MAF: variants seen among roughly 807,000 people sequenced by gnomAD.
MAF encodes the protein MAF bZIP transcription factor, also known as transcription factor Maf.
A neutral mutation model predicts 22.0 loss-of-function variants in MAF; 10 were observed. The observed-to-expected ratio is 0.45, with a 90% CI of 0.28 to 0.77. The LOEUF (loss-of-function observed/expected upper bound fraction) is 0.77. Ranked by LOEUF, MAF falls within the 30% of genes least tolerant of loss-of-function variation. The pLI is 0.12. For synonymous variants in MAF, 337 were observed against 255.8 expected, an observed-to-expected ratio of 1.32 and a Z score of -3.03; for missense variants, 544 against 548.4, an observed-to-expected ratio of 0.99 and a Z score of 0.08.
At chr16:79,216,086 A>T in the MAF span, among the ~76,000 whole-genome samples, 1 of 152,150 alleles carries the variant, frequency 6.6e-6, no homozygotes, top group Non-Finnish European at 1.5e-5. Context: ...AGCTTATTCT[A>T]TGGCCAACCC....
chr16:79,412,287 G>A, the MAF span, among the ~76,000 whole-genome samples: 1 of 152,148 alleles, frequency 6.6e-6, no homozygotes, highest in Non-Finnish European at 1.5e-5. Flanking sequence ...ACACCCTAGA[G>A]GGTATGATTA....
At chr16:79,595,749 G>C in intron 1 of MAF, 1 of 1,056,880 alleles carries the variant, frequency 9.5e-7, no homozygotes, top group Non-Finnish European at 1.1e-6. Context: ...TATTTCTGGG[G>C]ATAGCATGAT....
chr16:79,377,285 C>T, the MAF span, among the ~76,000 whole-genome samples: 3 of 152,270 alleles, frequency 2.0e-5, no homozygotes, highest in South Asian at 6.2e-4. Flanking sequence ...TGATGATGAT[C>T]AGCATTTTTT....
the MAF span, among the ~76,000 whole-genome samples, chr16:79,350,016 C>G: frequency 6.6e-6 from 1 of 152,220 alleles, no homozygotes; most frequent in Admixed American, 6.5e-5. Context: ...GTCACCTCCT[C>G]CAGGAAGCTC....
the MAF span, among the ~76,000 whole-genome samples, chr16:79,282,038 C>T: frequency 1.3e-5 from 2 of 152,124 alleles, no homozygotes; most frequent in Non-Finnish European, 2.9e-5. Context: ...TGCAGTGGCT[C>T]ATGCCTGTAA....
At chr16:79,565,038 A>G in the MAF span, among the ~76,000 whole-genome samples, 5 of 152,260 alleles carry the variant, frequency 3.3e-5, no homozygotes, top group East Asian at 3.9e-4. Context: ...GGGCCCTGAC[A>G]TCATTCAGCT....
the MAF span, among the ~76,000 whole-genome samples, chr16:79,572,415 A>C: frequency 6.6e-6 from 1 of 152,148 alleles, no homozygotes; most frequent in Non-Finnish European, 1.5e-5. Context: ...ATACAGAAAA[A>C]TCCTAGAACA....
At chr16:79,528,802 C>T in the MAF span, among the ~76,000 whole-genome samples, 1 of 152,152 alleles carries the variant, frequency 6.6e-6, no homozygotes, top group African/African-American at 2.4e-5. Context: ...TCTTTGGCTT[C>T]TTTATTTACA....
the MAF span, among the ~76,000 whole-genome samples, chr16:79,266,912 A>G: frequency 6.6e-6 from 1 of 152,188 alleles, no homozygotes; most frequent in African/African-American, 2.4e-5. Context: ...AATGACATGT[A>G]TCTTTCCTTT....
At chr16:79,223,767 G>A in the MAF span, among the ~76,000 whole-genome samples, 7 of 152,100 alleles carry the variant, frequency 4.6e-5, no homozygotes, top group African/African-American at 1.7e-4. Context: ...TAGAAGAAAT[G>A]GATAAATTCC....
the MAF span, among the ~76,000 whole-genome samples, chr16:79,221,495 C>G: frequency 2.4e-4 from 37 of 152,298 alleles, no homozygotes; most frequent in African/African-American, 7.2e-4. Context: ...ATCTATATCT[C>G]ATGTTCAATC....
the MAF span, among the ~76,000 whole-genome samples, chr16:79,522,027 A>G: frequency 6.6e-6 from 1 of 152,176 alleles, no homozygotes; most frequent in Non-Finnish European, 1.5e-5. Context: ...CACTGTGAAG[A>G]AAGAGGTGTC....
the MAF span, among the ~76,000 whole-genome samples, chr16:79,209,012 C>T: frequency 0.17 from 25,909 of 152,082 alleles, 2,403 homozygotes; most frequent in East Asian, 0.3. Context: ...TAGAGAAGGT[C>T]GTCTTTGCTT....
the MAF span, chr16:79,203,449 T>G: frequency 4.6e-5 from 7 of 152,012 alleles, no homozygotes; most frequent in South Asian, 8.3e-4. Flanking sequence ...AAGGCAGAGT[T>G]AAGAGTTAAT....
chr16:79,285,241 T>C, the MAF span, among the ~76,000 whole-genome samples: 1 of 152,098 alleles, frequency 6.6e-6, no homozygotes, highest in East Asian at 1.9e-4. Context: ...GGAAAAAATA[T>C]CTATTAAAAA....
the MAF span, among the ~76,000 whole-genome samples, chr16:79,367,971 G>C: frequency 4.3e-4 from 66 of 152,284 alleles, no homozygotes; most frequent in African/African-American, 1.6e-3. Context: ...GACCAATCTG[G>C]GATGCTCTAC....
chr16:79,207,907 A>G, the MAF span, among the ~76,000 whole-genome samples: 1 of 152,208 alleles, frequency 6.6e-6, no homozygotes, highest in Non-Finnish European at 1.5e-5. Context: ...GCAGTTATCA[A>G]ATGAATGTTG....
At chr16:79,243,786 T>A in the MAF span, among the ~76,000 whole-genome samples, 22 of 151,964 alleles carry the variant, frequency 1.4e-4, no homozygotes, top group Admixed American at 3.3e-4. Context: ...GAGGCCAATA[T>A]CCCTGATGAA....
chr16:79,220,975 A>G, the MAF span, among the ~76,000 whole-genome samples: 1 of 152,334 alleles, frequency 6.6e-6, no homozygotes, highest in African/African-American at 2.4e-5. Flanking sequence ...CCAAGACAGA[A>G]GAGGACAGGA....
Sources: allele counts gnomAD v4.1 joint callset (sites outside exome capture counted in the v4.1 genomes callset), GRCh38; gene constraint gnomAD v4.1.1; transcripts MANE v1.5; gene names NCBI Gene and HGNC (gene_info 2026-07-23, HGNC 2026-07-21).